DLGAP2: variants seen among roughly 807,000 people sequenced by gnomAD.
DLGAP2 encodes the protein DLG associated protein 2, also known as disks large-associated protein 2.
DLGAP2 carries 26 observed loss-of-function variants against 100.3 expected under a neutral mutation model. The observed-to-expected ratio is 0.26, with a 90% CI of 0.19 to 0.36. The LOEUF (loss-of-function observed/expected upper bound fraction) is 0.36. DLGAP2 is among the 10% of genes least tolerant of loss of function. DLGAP2 has a pLI of 1.00. For missense variants in DLGAP2, 1,858 were observed against 1,453.2 expected (o/e 1.28, Z -4.53); for synonymous variants, 886 against 630.1 (o/e 1.41, Z -6.08).
chr8:968,635 C>G (rs1301685919), intron 2 of DLGAP2, among the ~76,000 whole-genome samples: 3 of 152,180 alleles, frequency 2.0e-5, no homozygotes, highest in Non-Finnish European at 4.4e-5. Flanking sequence ...GCAGACTTGA[C>G]CACCTTTATT....
chr8:1,423,487 C>G (rs1007418820), intron 3 of DLGAP2, among the ~76,000 whole-genome samples: 3 of 152,244 alleles, frequency 2.0e-5, no homozygotes, highest in African/African-American at 4.8e-5. Context: ...GCTCCATGCA[C>G]TTCTGGCACC....
intron 6 of DLGAP2, among the ~76,000 whole-genome samples, chr8:1,608,134 GT>G (rs1364417862): frequency 9.4e-4 from 103 of 109,686 alleles, no homozygotes; most frequent in Non-Finnish European, 1.7e-3. Flanking sequence ...AGACTTAAAT[GT>G]CCCTGTCTGA....
At chr8:1,407,010 C>T (rs1462403948) in intron 3 of DLGAP2, among the ~76,000 whole-genome samples, 1 of 33,332 alleles carries the variant, frequency 3.0e-5, no homozygotes, top group Non-Finnish European at 5.0e-5. Flanking sequence ...CCCTCCTTGT[C>T]CTCCAGAGTC....
intron 8 of DLGAP2, among the ~76,000 whole-genome samples, chr8:1,643,517 C>G (rs1290563664): frequency 8.5e-4 from 16 of 18,866 alleles, no homozygotes; most frequent in Admixed American, 1.6e-3. Context: ...GTGTCACCCT[C>G]GAACCCGCCG....
intron 4 of DLGAP2, among the ~76,000 whole-genome samples, chr8:1,531,211 A>G (rs116923474): frequency 0.012 from 1,829 of 151,326 alleles, 22 homozygotes; most frequent in Non-Finnish European, 0.018. Context: ...TGCATTAATT[A>G]AATAGTAAGA....
chr8:876,555 T>C (rs199690800), intron 1 of DLGAP2, among the ~76,000 whole-genome samples: 1 of 152,230 alleles, frequency 6.6e-6, no homozygotes, highest in East Asian at 1.9e-4. Flanking sequence ...CTTGTAGCTT[T>C]TAAGATTTTC....
chr8:1,651,879 C>T (rs1798173567), intron 8 of DLGAP2, among the ~76,000 whole-genome samples: 1 of 152,210 alleles, frequency 6.6e-6, no homozygotes, highest in Admixed American at 6.5e-5. Flanking sequence ...GCAAGCCCCG[C>T]CTGCACCTCT....
chr8:1,556,337 T>C (rs1488709768), intron 5 of DLGAP2, among the ~76,000 whole-genome samples: 1 of 152,058 alleles, frequency 6.6e-6, no homozygotes, highest in Admixed American at 6.5e-5. Context: ...TGCTCTGTCC[T>C]CTCCCACCCA....
chr8:1,392,361 G>A (rs1796383021), intron 3 of DLGAP2, among the ~76,000 whole-genome samples: 2 of 152,250 alleles, frequency 1.3e-5, no homozygotes, highest in Middle Eastern at 3.4e-3. Flanking sequence ...ACTCCCACGG[G>A]GAGGGCTTCC....
chr8:997,462 T>A (rs1182518243), intron 2 of DLGAP2, among the ~76,000 whole-genome samples: 2 of 152,142 alleles, frequency 1.3e-5, no homozygotes, highest in African/African-American at 4.8e-5. Context: ...CAACAACTGA[T>A]CACAAAGCCT....
intron 6 of DLGAP2, among the ~76,000 whole-genome samples, chr8:1,591,868 C>G (rs1264434051): frequency 6.6e-6 from 1 of 152,200 alleles, no homozygotes; most frequent in Non-Finnish European, 1.5e-5. Flanking sequence ...ATAATTCTGA[C>G]ATGAACTACA....
chr8:916,814 G>T (rs562703590), intron 2 of DLGAP2, among the ~76,000 whole-genome samples: 1 of 152,206 alleles, frequency 6.6e-6, no homozygotes, highest in Admixed American at 6.5e-5. Flanking sequence ...TCAAGCAGCC[G>T]GATCGTGCAT....
chr8:1,472,661 C>T (rs1798833819), intron 3 of DLGAP2, among the ~76,000 whole-genome samples: 1 of 152,112 alleles, frequency 6.6e-6, no homozygotes, highest in Non-Finnish European at 1.5e-5. Flanking sequence ...CAGGTATTTT[C>T]TACAGATGAG....
chr8:936,708 T>C (rs935802438), intron 2 of DLGAP2, among the ~76,000 whole-genome samples: 33 of 152,162 alleles, frequency 2.2e-4, no homozygotes, highest in Admixed American at 5.2e-4. Flanking sequence ...TTTGGTTTTT[T>C]AGTTGCTGTT....
chr8:1,554,553 C>A (rs891647813), intron 5 of DLGAP2, among the ~76,000 whole-genome samples: 1 of 152,112 alleles, frequency 6.6e-6, no homozygotes, highest in African/African-American at 2.4e-5. Flanking sequence ...TATTGAGGGT[C>A]CCTCTGCTGC....
rs144571249 is a variant in DLGAP2 at position 889,423 on chromosome 8, T to C, written c.19-18489T>C. On this transcript the variant is annotated intron_variant, in intron 1 of 14. Coordinates refer to ENST00000637795, the MANE Select transcript of DLGAP2 (RefSeq NM_001346810.2). Reference sequence around the variant, plus strand: ...AGGCTAAGTCTGCTGGTCCAGAGACTGTGGCCACCCTGCAGCTAGGGGCTC... The same window carrying C: ...AGGCTAAGTCTGCTGGTCCAGAGACCGTGGCCACCCTGCAGCTAGGGGCTC... Among the ~76,000 whole-genome samples the C allele has an allele frequency of 7.7e-4, 118 of 152,310 alleles. 1 individual carries two copies. The highest frequency in any genetic ancestry group is 2.8e-3 in the African/African-American group (115 of 41,582).
intron 8 of DLGAP2, among the ~76,000 whole-genome samples, chr8:1,649,256 C>G (rs1798110267): frequency 8.2e-6 from 1 of 122,382 alleles, no homozygotes; most frequent in South Asian, 3.0e-4. Context: ...CCAGAACACT[C>G]AATACCCAGT....
chr8:1,365,625 G>T (rs569320954), intron 3 of DLGAP2, among the ~76,000 whole-genome samples: 24 of 152,302 alleles, frequency 1.6e-4, no homozygotes, highest in African/African-American at 5.5e-4. Context: ...GCTATTAATG[G>T]CATTGACCTG....
At chr8:754,076 C>G (rs143218685) in intron 1 of DLGAP2, 1 of 152,222 alleles carries the variant, frequency 6.6e-6, no homozygotes, top group Admixed American at 6.5e-5. Context: ...AGGATGGAAC[C>G]GCACCGCTCC....
Sources: gnomAD v4.1 joint callset for allele counts (sites outside exome capture counted in the v4.1 genomes callset) on GRCh38, gnomAD v4.1.1 for gene constraint, MANE v1.5 for transcripts, NCBI Gene and HGNC (gene_info 2026-07-23, HGNC 2026-07-21) for gene names.